Variants in CPB2 observed in about 807,000 individuals in gnomAD.
CPB2 encodes carboxypeptidase B2.
CPB2 carries 54 observed loss-of-function variants against 57.0 expected under a neutral mutation model. That is an observed-to-expected ratio of 0.95 (90% CI 0.76 to 1.19). The LOEUF is 1.19. Ranked by LOEUF, CPB2 falls within the 50% of genes most tolerant of loss-of-function variation. The probability of loss-of-function intolerance (pLI) is 0.00; values close to 1 mark genes in which losing one functional copy is unlikely to be tolerated. For missense variants in CPB2, 426 were observed against 512.0 expected (o/e 0.83, Z 1.62); for synonymous variants, 189 against 178.1 (o/e 1.06, Z -0.49).
chr13:46,057,082 T>G, intron 9 of CPB2, among the ~76,000 whole-genome samples: 1 of 152,280 alleles, frequency 6.6e-6, no homozygotes, highest in Non-Finnish European at 1.5e-5. Context: ...ACCTAATGCT[T>G]CTTTAAACAT....
intron 8 of CPB2, among the ~76,000 whole-genome samples, chr13:46,063,752 G>A (rs1593886161): frequency 1.3e-5 from 2 of 152,218 alleles, no homozygotes; most frequent in Non-Finnish European, 2.9e-5. Context: ...TCAAACTCCT[G>A]AAAGCAGACT....
chr13:46,101,715 C>CA (rs3837565), intron 1 of CPB2, among the ~76,000 whole-genome samples: 4 of 151,844 alleles, frequency 2.6e-5, no homozygotes, highest in Non-Finnish European at 4.4e-5. Context: ...GGTCACTTTA[C>CA]AAAAAAAAGT....
intron 7 of CPB2, among the ~76,000 whole-genome samples, chr13:46,064,985 A>C (rs972076082): frequency 2.0e-5 from 3 of 152,204 alleles, no homozygotes; most frequent in African/African-American, 7.2e-5. Context: ...ATATTTGATC[A>C]ATTTTGACTG....
chr13:46,056,567 C>T (rs2044700418), intron 9 of CPB2, among the ~76,000 whole-genome samples: 1 of 152,068 alleles, frequency 6.6e-6, no homozygotes, highest in African/African-American at 2.4e-5. Context: ...TCTCATTGTT[C>T]AAAAAATAAG....
At chr13:46,062,023 TG>T (rs1440289819) in intron 8 of CPB2, among the ~76,000 whole-genome samples, 45 of 102,716 alleles carry the variant, frequency 4.4e-4, no homozygotes, top group African/African-American at 1.4e-3. Flanking sequence ...ACTTTTTATT[TG>T]GTTTTTTTTT....
chr13:46,082,661 T>C, intron 3 of CPB2, 112 bp from the exon 4 acceptor site: 1 of 594,678 alleles, frequency 1.7e-6, no homozygotes, highest in South Asian at 2.2e-5. Flanking sequence ...ACTAAGAAAC[T>C]TCATAAGCAT....
chr13:46,104,875 C>G, intron 1 of CPB2, 61 bp downstream of exon 1: 6 of 1,598,796 alleles, frequency 3.8e-6, no homozygotes, highest in Non-Finnish European at 5.1e-6. Flanking sequence ...TGACTTGACA[C>G]GACATGAGGC....
chr13:46,102,785 C>A (rs1164726031), intron 1 of CPB2, among the ~76,000 whole-genome samples: 1 of 152,006 alleles, frequency 6.6e-6, no homozygotes, highest in African/African-American at 2.4e-5. Flanking sequence ...AATGTTATTT[C>A]CAGTGAAGGG....
At position 46,105,015 on chromosome 13, in the gene CPB2, C is replaced by G; in HGVS notation, c.-6G>C. ...GCAAGGCTGCAAAGCTTCATCCCAA[C>G]AGCAATTTTCTGTACAACAAATTTC... On this transcript the variant is annotated 5_prime_UTR_variant, in exon 1 of 11. Transcript: ENST00000181383. 6.2e-7 allele frequency: 1 copy of G among 1,613,888 alleles called. No individual in the cohort carries two copies. Among genetic ancestry groups the G allele is most frequent in the Non-Finnish European group, 8.5e-7 (1 of 1,179,838 alleles).
intron 5 of CPB2, 111 bp from the exon 6 acceptor site, chr13:46,074,088 T>C: frequency 3.9e-6 from 2 of 513,798 alleles, no homozygotes; most frequent in Non-Finnish European, 6.7e-6. Flanking sequence ...CTCTGAGATA[T>C]GCATTGTTCT....
At chr13:46,057,672 C>CA (rs1157961554) in intron 9 of CPB2, among the ~76,000 whole-genome samples, 1 of 152,176 alleles carries the variant, frequency 6.6e-6, no homozygotes, top group African/African-American at 2.4e-5. Context: ...TTCCAAAAAA[C>CA]AGACTCTCTC....
Position 46,064,676 on chromosome 13 carries a change from A to G in CPB2, c.768T>C (p.Asn256=), listed in dbSNP as rs1298601923. 3.1e-6 allele frequency: 5 copies of G among 1,614,034 alleles called. No homozygotes were observed. The highest frequency in any genetic ancestry group is 3.4e-6 in the Non-Finnish European group (4 of 1,179,986). The part of the protein sequence containing the change: ...ANNHCIGTDL[N]RNFASKHWCE... Reference sequence around the variant, plus strand: ...ACCAGTGTTTGGAAGCAAAGTTCCTATTCAGGTCTGTTCCGATGCAATGAT... The same window carrying G: ...ACCAGTGTTTGGAAGCAAAGTTCCTGTTCAGGTCTGTTCCGATGCAATGAT... Residue 256 remains asparagine, a synonymous_variant, in exon 8 of 11, where the codon AAT becomes AAC. Transcript: ENST00000181383.
At chr13:46,092,160 A>G (rs1431959897) in intron 1 of CPB2, among the ~76,000 whole-genome samples, 2 of 152,212 alleles carry the variant, frequency 1.3e-5, no homozygotes, top group Non-Finnish European at 2.9e-5. Context: ...AACTAATCTT[A>G]GACTTTGCTT....
chr13:46,083,174 G>A (rs1471683395), intron 3 of CPB2, among the ~76,000 whole-genome samples: 1 of 152,010 alleles, frequency 6.6e-6, no homozygotes, highest in Non-Finnish European at 1.5e-5. Context: ...TACTAATAAA[G>A]GGTTCTTTAC....
intron 8 of CPB2, among the ~76,000 whole-genome samples, chr13:46,064,352 CT>C (rs1200363763): frequency 6.6e-6 from 1 of 152,108 alleles, no homozygotes; most frequent in Non-Finnish European, 1.5e-5. Context: ...TTAACTGTCA[CT>C]TCTTTATTAT....
Position 46,090,449 on chromosome 13 carries a change from G to A in CPB2, c.75-2629C>T, listed in dbSNP as rs796424841. On this transcript the variant is annotated intron_variant, in intron 1 of 10. Transcript: ENST00000181383. ...GCGATCTTGGCTCAGTGCAACCTCC[G>A]CCTCCCAGGTTCAAGCAATTCTCCT... 3.5e-5 allele frequency among the ~76,000 whole-genome samples: 5 copies of A among 144,690 alleles called. No individual in the cohort carries two copies. In the South Asian group the frequency reaches 6.6e-4, roughly 19 times the overall value. The allele number at this position is 144,690 out of a possible 152,430, so 94.9% of individuals were successfully genotyped here. A position where few individuals can be genotyped will look rare whatever the true frequency, so the allele number is the denominator to read the frequency against.
intron 2 of CPB2, among the ~76,000 whole-genome samples, chr13:46,087,232 C>T (rs2045223169): frequency 6.6e-6 from 1 of 152,230 alleles, no homozygotes; most frequent in Non-Finnish European, 1.5e-5. Flanking sequence ...ACTTTTACCT[C>T]CTCCTGGCTT....
chr13:46,068,847 A>T (rs1170834201), intron 6 of CPB2, among the ~76,000 whole-genome samples: 1 of 152,218 alleles, frequency 6.6e-6, no homozygotes, highest in Non-Finnish European at 1.5e-5. Flanking sequence ...CAGGGAAGCC[A>T]TGTTTTAAAT....
At chr13:46,054,394 AT>A (rs1301352986) in intron 10 of CPB2, among the ~76,000 whole-genome samples, 1 of 151,964 alleles carries the variant, frequency 6.6e-6, no homozygotes, top group African/African-American at 2.4e-5. Flanking sequence ...TTTCACAAGA[AT>A]TTTTTCTCCT....
Sources: gnomAD v4.1 joint callset for allele counts (sites outside exome capture counted in the v4.1 genomes callset) on GRCh38, gnomAD v4.1.1 for gene constraint, MANE v1.5 for transcripts, NCBI Gene and HGNC (gene_info 2026-07-23, HGNC 2026-07-21) for gene names.